Variants in GRID2 observed in about 807,000 individuals in gnomAD.
GRID2 encodes glutamate receptor ionotropic, delta-2.
Under a neutral mutation model 114.8 loss-of-function variants are expected in GRID2, and 33 were observed. That is an observed-to-expected ratio of 0.29 (90% CI 0.22 to 0.38). GRID2 has a LOEUF of 0.38. Among genes scored for constraint, GRID2 ranks in the 10% least tolerant of loss-of-function variants. The probability of loss-of-function intolerance (pLI) is 1.00; values close to 1 mark genes in which losing one functional copy is unlikely to be tolerated. For missense variants in GRID2, 1,184 were observed against 1,257.7 expected, an observed-to-expected ratio of 0.94 and a Z score of 0.89; for synonymous variants, 505 against 449.9, an observed-to-expected ratio of 1.12 and a Z score of -1.55.
chr4:93,686,223 C>T (rs1726067092), intron 14 of GRID2, among the ~76,000 whole-genome samples: 1 of 152,020 alleles, frequency 6.6e-6, no homozygotes, highest in Admixed American at 6.6e-5. Context: ...GAGTCACACT[C>T]ACCTTCTCTC....
chr4:92,668,671 A>G (rs1000244753), intron 2 of GRID2, among the ~76,000 whole-genome samples: 7 of 151,832 alleles, frequency 4.6e-5, no homozygotes, highest in Non-Finnish European at 8.8e-5. Context: ...TGTAGTAGAG[A>G]CAGATGTAGT....
Position 92,590,160 on chromosome 4 carries a change from G to A in GRID2, c.118G>A (p.Asp40Asn). ...AATTTTTGATGAATCTGCCAAAAAG[G>A]ATGATGAGGTATTTCGCACTGCGGT... Reference protein sequence around the residue: ...GAIFDESAKKDDEVFRTAVGD... With the variant: ...GAIFDESAKKNDEVFRTAVGD... The change falls in exon 2 of 16, where the codon GAT (aspartate) becomes AAT (asparagine). Residue 40 changes from aspartate (D) to asparagine (N), a missense_variant. Transcript: ENST00000282020. 6.2e-7 allele frequency: 1 copy of A among 1,612,270 alleles called. No homozygotes were observed. Among genetic ancestry groups the A allele is most frequent in the Non-Finnish European group, 8.5e-7 (1 of 1,178,560 alleles).
intron 12 of GRID2, among the ~76,000 whole-genome samples, chr4:93,510,175 T>A (rs1265208520): frequency 6.6e-6 from 1 of 152,198 alleles, no homozygotes; most frequent in Admixed American, 6.5e-5. Flanking sequence ...TCTCCTCTGA[T>A]GTGATAACTT....
intron 2 of GRID2, among the ~76,000 whole-genome samples, chr4:92,913,551 T>C (rs1391786617): frequency 1.3e-5 from 2 of 151,950 alleles, no homozygotes; most frequent in Admixed American, 1.3e-4. Flanking sequence ...CATGAACTTG[T>C]CCTAGATGAA....
intron 1 of GRID2, among the ~76,000 whole-genome samples, chr4:92,403,102 C>T (rs1221509486): frequency 1.3e-5 from 2 of 152,200 alleles, no homozygotes; most frequent in African/African-American, 4.8e-5. Context: ...GCAGTTTCTT[C>T]ACTTCTCTCA....
intron 1 of GRID2, among the ~76,000 whole-genome samples, chr4:92,450,196 A>T (rs559612141): frequency 1.7e-4 from 26 of 152,222 alleles, no homozygotes; most frequent in African/African-American, 6.3e-4. Context: ...TAATAATGTC[A>T]TATTTTCATC....
chr4:93,468,139 A>T (rs889554747), intron 11 of GRID2, among the ~76,000 whole-genome samples: 4 of 152,174 alleles, frequency 2.6e-5, no homozygotes, highest in African/African-American at 9.7e-5. Flanking sequence ...AATTTTATGT[A>T]CAGTTTCATA....
At chr4:92,595,448 TA>T (rs1407827982) in intron 2 of GRID2, among the ~76,000 whole-genome samples, 2 of 151,928 alleles carry the variant, frequency 1.3e-5, no homozygotes, top group East Asian at 1.9e-4. Flanking sequence ...TTAATATATA[TA>T]AAAAAGTTGT....
intron 2 of GRID2, among the ~76,000 whole-genome samples, chr4:92,900,948 G>T (rs1747540910): frequency 6.6e-6 from 1 of 151,558 alleles, no homozygotes; most frequent in Admixed American, 6.6e-5. Context: ...GTGTGTGTGT[G>T]TATTTCCCAT....
chr4:93,263,071 A>G (rs565733054), intron 8 of GRID2, among the ~76,000 whole-genome samples: 1 of 152,038 alleles, frequency 6.6e-6, no homozygotes, highest in African/African-American at 2.4e-5. Context: ...CTAGTACCAA[A>G]TAATTCATTT....
At chr4:92,803,595 T>G (rs959210528) in intron 2 of GRID2, among the ~76,000 whole-genome samples, 56 of 151,988 alleles carry the variant, frequency 3.7e-4, no homozygotes, top group Non-Finnish European at 8.1e-4. Flanking sequence ...TAATAACTTT[T>G]TCTGTGTGTT....
At chr4:93,368,833 G>A (rs1762591852) in intron 8 of GRID2, among the ~76,000 whole-genome samples, 1 of 152,142 alleles carries the variant, frequency 6.6e-6, no homozygotes, top group African/African-American at 2.4e-5. Context: ...AAAATTTAAA[G>A]AGTCTTCCAC....
At chr4:92,829,664 A>G (rs919486099) in intron 2 of GRID2, among the ~76,000 whole-genome samples, 2 of 152,182 alleles carry the variant, frequency 1.3e-5, no homozygotes, top group African/African-American at 4.8e-5. Flanking sequence ...TTACAATTGC[A>G]AAGACTTGGA....
intron 7 of GRID2, among the ~76,000 whole-genome samples, chr4:93,225,122 A>G (rs1745342880): frequency 6.6e-6 from 1 of 152,240 alleles, no homozygotes; most frequent in African/African-American, 2.4e-5. Flanking sequence ...AAAAATTAAC[A>G]GTAGACTTAA....
At chr4:93,474,587 G>A (rs942000638) in intron 11 of GRID2, among the ~76,000 whole-genome samples, 3 of 152,058 alleles carry the variant, frequency 2.0e-5, no homozygotes, top group African/African-American at 7.2e-5. Context: ...TCTAGTCATT[G>A]AGGAGAATAG....
downstream of GRID2, among the ~76,000 whole-genome samples, chr4:93,777,623 A>G (rs2110348049): frequency 6.6e-6 from 1 of 152,338 alleles, no homozygotes; most frequent in East Asian, 1.9e-4. Flanking sequence ...ACACATTTCA[A>G]CAGTCTCAAA....
chr4:93,188,265 A>G (rs779479349), intron 4 of GRID2, among the ~76,000 whole-genome samples: 9 of 151,894 alleles, frequency 5.9e-5, no homozygotes, highest in Non-Finnish European at 1.2e-4. Context: ...TCCACAGCTC[A>G]TAAATTCTGT....
chr4:92,380,479 C>T (rs1729566039), intron 1 of GRID2, among the ~76,000 whole-genome samples: 1 of 151,840 alleles, frequency 6.6e-6, no homozygotes, highest in East Asian at 1.9e-4. Context: ...TTCTTTCCTC[C>T]CCCAACTCCA....
chr4:92,830,739 A>T (rs1041267626), intron 2 of GRID2, among the ~76,000 whole-genome samples: 10 of 152,236 alleles, frequency 6.6e-5, no homozygotes, highest in African/African-American at 1.9e-4. Flanking sequence ...TTCTAATTTT[A>T]TGGTTTTATT....
Sources: allele counts gnomAD v4.1 joint callset (sites outside exome capture counted in the v4.1 genomes callset), GRCh38; gene constraint gnomAD v4.1.1; transcripts MANE v1.5; gene names NCBI Gene and HGNC (gene_info 2026-07-23, HGNC 2026-07-21).